Variants in TCF4 observed in about 807,000 individuals in gnomAD.
The protein encoded by TCF4 is transcription factor 4.
In TCF4, 3 loss-of-function variants were observed where a neutral mutation model predicts 82.1. That is an observed-to-expected ratio of 0.04 (90% CI 0.02 to 0.09). The LOEUF is 0.09. TCF4 is among the 10% of genes least tolerant of loss of function. The pLI is 1.00. For missense variants in TCF4, 518 were observed against 852.7 expected, an observed-to-expected ratio of 0.61 and a Z score of 4.89; for synonymous variants, 276 against 309.6, an observed-to-expected ratio of 0.89 and a Z score of 1.14.
intron 3 of TCF4, among the ~76,000 whole-genome samples, chr18:55,529,158 G>GT (rs2097028680): frequency 6.6e-6 from 1 of 152,038 alleles, no homozygotes; most frequent in Non-Finnish European, 1.5e-5. Context: ...AGCCCGGGTG[G>GT]TAACAGCCAG....
At chr18:55,237,576 TC>T (rs2049901695) in intron 15 of TCF4, among the ~76,000 whole-genome samples, 3 of 150,618 alleles carry the variant, frequency 2.0e-5, no homozygotes, top group Admixed American at 2.0e-4. Context: ...TTCAAGCAAT[TC>T]TCCTGTTTCA....
intron 6 of TCF4, chr18:55,401,875 G>T (rs2093840726): frequency 1.1e-6 from 1 of 873,246 alleles, no homozygotes; most frequent in Non-Finnish European, 1.4e-6. Context: ...ATGACCATCT[G>T]CAGAAAGGAA....
intron 3 of TCF4, among the ~76,000 whole-genome samples, chr18:55,474,489 AG>A (rs1263933756): frequency 1.3e-5 from 2 of 152,162 alleles, no homozygotes; most frequent in Non-Finnish European, 2.9e-5. Context: ...TCCAATTTTG[AG>A]GGTGTTTCTA....
chr18:55,412,205 A>C (rs2146712483), intron 5 of TCF4, among the ~76,000 whole-genome samples: 1 of 152,202 alleles, frequency 6.6e-6, no homozygotes, highest in South Asian at 2.1e-4. Flanking sequence ...ACTAGCACTC[A>C]CCTATTTACG....
chr18:55,496,896 CAAA>C (rs60244407), intron 3 of TCF4, among the ~76,000 whole-genome samples: 68 of 108,700 alleles, frequency 6.3e-4, no homozygotes, highest in Admixed American at 4.4e-3. Context: ...TGTAAAATTA[CAAA>C]AAAAAAAAAA....
intron 5 of TCF4, among the ~76,000 whole-genome samples, chr18:55,452,306 TCAA>T (rs1365254737): frequency 1.3e-5 from 2 of 152,212 alleles, no homozygotes; most frequent in Admixed American, 1.3e-4. Context: ...ACATTAAAAA[TCAA>T]CAACTGCAAT....
intron 11 of TCF4, among the ~76,000 whole-genome samples, chr18:55,262,431 A>G (rs901733662): frequency 1.3e-5 from 2 of 152,234 alleles, no homozygotes; most frequent in African/African-American, 2.4e-5. Flanking sequence ...TGTATTTACT[A>G]AAGCCTCAAC....
chr18:55,621,736 C>A (rs1204219881), intron 2 of TCF4, among the ~76,000 whole-genome samples: 2 of 76,854 alleles, frequency 2.6e-5, no homozygotes, highest in Non-Finnish European at 4.5e-5. Context: ...TATAATTATA[C>A]AATTGTATTT....
At chr18:55,589,271 A>C (rs945681054), upstream of TCF4, 1 of 1,050,952 alleles carries the variant, frequency 9.5e-7, no homozygotes, top group Non-Finnish European at 1.1e-6. Context: ...CAAACAGTTT[A>C]CTCTGACGGC....
intron 3 of TCF4, among the ~76,000 whole-genome samples, chr18:55,501,091 T>C (rs866618496): frequency 3.9e-5 from 6 of 152,340 alleles, no homozygotes; most frequent in Middle Eastern, 6.8e-3. Flanking sequence ...TTCATTTTTA[T>C]ATTTCATTTA....
chr18:55,305,300 T>C (rs1169302032), intron 8 of TCF4, among the ~76,000 whole-genome samples: 1 of 152,172 alleles, frequency 6.6e-6, no homozygotes, highest in Admixed American at 6.5e-5. Flanking sequence ...ATTTTAATTA[T>C]TGATTATAAC....
intron 5 of TCF4, among the ~76,000 whole-genome samples, chr18:55,451,742 A>T (rs190806179): frequency 6.9e-4 from 105 of 152,284 alleles, no homozygotes; most frequent in Non-Finnish European, 1.3e-3. Flanking sequence ...CAACCCCGCC[A>T]CCCAAGATCC....
intron 2 of TCF4, among the ~76,000 whole-genome samples, chr18:55,611,563 T>G (rs1479309563): frequency 6.6e-6 from 1 of 152,176 alleles, no homozygotes; most frequent in Admixed American, 6.5e-5. Flanking sequence ...ACAAAAAGCA[T>G]AACATTGCTT....
At chr18:55,476,574 C>T (rs2096293835) in intron 3 of TCF4, among the ~76,000 whole-genome samples, 2 of 151,962 alleles carry the variant, frequency 1.3e-5, no homozygotes, top group Admixed American at 1.3e-4. Context: ...CTCCCAGACT[C>T]AAGCAATCCT....
intron 6 of TCF4, among the ~76,000 whole-genome samples, chr18:55,368,771 TAAG>T (rs2088012516): frequency 6.6e-6 from 1 of 152,266 alleles, no homozygotes; most frequent in Non-Finnish European, 1.5e-5. Context: ...TTGTAGATTT[TAAG>T]AAGACTTCAA....
At chr18:55,600,854 A>G (rs2097696113) in intron 2 of TCF4, among the ~76,000 whole-genome samples, 1 of 152,196 alleles carries the variant, frequency 6.6e-6, no homozygotes, top group Admixed American at 6.5e-5. Flanking sequence ...TTCCTACGCA[A>G]TAGAGTGTAA....
chr18:55,446,419 T>C (rs2144145922), intron 5 of TCF4, among the ~76,000 whole-genome samples: 1 of 152,250 alleles, frequency 6.6e-6, no homozygotes. Context: ...CTATTCCACC[T>C]CTGGGAATTC....
intron 3 of TCF4, among the ~76,000 whole-genome samples, chr18:55,559,066 G>T (rs1214898430): frequency 7.2e-6 from 1 of 139,172 alleles, no homozygotes; most frequent in Non-Finnish European, 1.5e-5. Context: ...AAATCAGTCT[G>T]ATCAAGGATC....
chr18:55,568,294 GTAAT>G (rs1177809755), intron 3 of TCF4, among the ~76,000 whole-genome samples: 1 of 151,044 alleles, frequency 6.6e-6, no homozygotes, highest in Non-Finnish European at 1.5e-5. Context: ...TTTGAAAAGA[GTAAT>G]AAATAAGAAA....
Sources: allele counts gnomAD v4.1 joint callset (sites outside exome capture counted in the v4.1 genomes callset), GRCh38; gene constraint gnomAD v4.1.1; transcripts MANE v1.5; gene names NCBI Gene and HGNC (gene_info 2026-07-23, HGNC 2026-07-21).